The following RADIL variants were observed in gnomAD, a reference collection of about 807,000 sequenced individuals.
RADIL encodes Rap associating with DIL domain.
A neutral mutation model predicts 97.6 loss-of-function variants in RADIL; 99 were observed. That is an observed-to-expected ratio of 1.01 (90% CI 0.86 to 1.20). RADIL has a LOEUF of 1.20. RADIL is among the 50% of genes most tolerant of loss of function. The pLI, the probability that RADIL is intolerant of heterozygous loss-of-function variation, is 0.00. For synonymous variants in RADIL, 803 were observed against 691.8 expected (o/e 1.16, Z -2.52); for missense variants, 1,765 against 1,498.9 (o/e 1.18, Z -2.93).
chr7:4,806,155 T>C (rs1209026302), intron 9 of RADIL: 1 of 791,990 alleles, frequency 1.3e-6, no homozygotes, highest in Admixed American at 6.2e-5. Flanking sequence ...ATTTGTTTGT[T>C]TGCTTGTTTT....
At chr7:4,802,371 G>C (rs1372422629) in intron 11 of RADIL, among the ~76,000 whole-genome samples, 1 of 130,966 alleles carries the variant, frequency 7.6e-6, no homozygotes, top group African/African-American at 3.1e-5. Flanking sequence ...TGGCTGGGGG[G>C]CCCCCTCCCC....
chr7:4,805,304 G>A (rs1782264729), intron 10 of RADIL: 2 of 424,682 alleles, frequency 4.7e-6, no homozygotes, highest in Admixed American at 3.8e-5. Context: ...GAACGAGGGG[G>A]CCTTGGACCT....
At chr7:4,805,415 G>C in intron 10 of RADIL, 151 bp downstream of exon 10, 1 of 940,902 alleles carries the variant, frequency 1.1e-6, no homozygotes, top group South Asian at 3.2e-5. Flanking sequence ...GGGGCGGGGG[G>C]GTCCTCTGGG....
chr7:4,855,548 G>A (rs1054131772), intron 2 of RADIL, among the ~76,000 whole-genome samples: 1 of 149,386 alleles, frequency 6.7e-6, no homozygotes, highest in African/African-American at 2.5e-5. Flanking sequence ...TGTTCTCACT[G>A]GCACCGCGTT....
intron 5 of RADIL, among the ~76,000 whole-genome samples, chr7:4,826,595 T>G (rs1482543720): frequency 6.6e-6 from 1 of 151,628 alleles, no homozygotes. Context: ...TAGCCGGGCG[T>G]GGTGGCGCGT....
intron 5 of RADIL, among the ~76,000 whole-genome samples, chr7:4,823,826 T>C (rs1188777745): frequency 6.6e-6 from 1 of 152,234 alleles, no homozygotes; most frequent in Admixed American, 6.5e-5. Flanking sequence ...GTGGCAAGGC[T>C]GTGCTGAGGT....
chr7:4,816,895 G>T (rs981642985), intron 7 of RADIL, among the ~76,000 whole-genome samples: 1 of 152,170 alleles, frequency 6.6e-6, no homozygotes, highest in African/African-American at 2.4e-5. Context: ...GGCACCCGTG[G>T]GTCCAGGGTG....
chr7:4,818,096 G>A lies in RADIL; in HGVS notation c.1616-745C>T, dbSNP rs1296447530. Among the ~76,000 whole-genome samples the A allele has an allele frequency of 2.0e-5, 3 of 152,226 alleles. No individual in the cohort carries two copies. The South Asian group carries it at 6.2e-4, about 31-fold the overall frequency. ...CTGGGACTGTGGGCGGCCAACCACA[G>A]TGGTGTTCCCTGTCAGCCGCGTGGG... On this transcript the variant is annotated intron_variant, in intron 6 of 14. Coordinates refer to ENST00000399583, the MANE Select transcript of RADIL (RefSeq NM_018059.5). The surrounding 1 kb of genome is among the most constrained non-coding windows in gnomAD (Gnocchi z 7.1).
intron 2 of RADIL, among the ~76,000 whole-genome samples, chr7:4,863,334 ATAAC>A (rs1784064394): frequency 6.6e-6 from 1 of 152,284 alleles, no homozygotes; most frequent in Non-Finnish European, 1.5e-5. Context: ...TTAGTACTCT[ATAAC>A]TAATTATTCT....
intron 2 of RADIL, among the ~76,000 whole-genome samples, chr7:4,841,672 G>C (rs1009240688): frequency 7.2e-5 from 11 of 152,158 alleles, no homozygotes; most frequent in African/African-American, 2.7e-4. Context: ...GGGCAGCCCT[G>C]CTTCACCCCA....
chr7:4,831,955 C>T (rs79433717), intron 5 of RADIL, among the ~76,000 whole-genome samples, 186 bp downstream of exon 5: 7,486 of 152,134 alleles, frequency 0.049, 630 homozygotes, highest in African/African-American at 0.17. Context: ...AAGCAATTTC[C>T]CAAAACTCAG....
rs1224744703 is a variant in RADIL at position 4,834,700 on chromosome 7, G to A, written c.1323C>T (p.Cys441=). 1 of 1,407,620 alleles carries A rather than the reference G, an allele frequency of 7.1e-7. No homozygotes were observed. Among genetic ancestry groups the A allele is most frequent in the African/African-American group, 1.5e-5 (1 of 67,752 alleles). The allele number at this position is 1,407,620 out of a possible 1,614,324, so 87.2% of individuals were successfully genotyped here. The change falls in exon 4 of 15, where the codon TGC becomes TGT. Residue 441 remains cysteine (C), a synonymous_variant. Coordinates refer to ENST00000399583, the MANE Select transcript of RADIL (RefSeq NM_018059.5). This position sits in a 1 kb window ranked among gnomAD's most constrained non-coding sequence, Gnocchi z 6.0. Reference sequence around the variant, plus strand: ...GGGTGGCCGAGTGCTGGATGCAGAGGCACAGGAGGAAGGCGGGGGTCAGCT... The same window carrying A: ...GGGTGGCCGAGTGCTGGATGCAGAGACACAGGAGGAAGGCGGGGGTCAGCT... The part of the protein sequence containing the change: ...DHKLTPAFLL[C]LCIQHSATHF...
intron 2 of RADIL, among the ~76,000 whole-genome samples, chr7:4,846,153 C>T (rs1446892319): frequency 1.4e-5 from 2 of 146,096 alleles, no homozygotes; most frequent in African/African-American, 2.5e-5. Flanking sequence ...TTTAAAGAGA[C>T]GGAGTCTCGC....
At chr7:4,871,557 T>G (rs1040856564) in intron 2 of RADIL, among the ~76,000 whole-genome samples, 5 of 152,174 alleles carry the variant, frequency 3.3e-5, no homozygotes, top group African/African-American at 1.2e-4. Context: ...GCCAGCTCCA[T>G]CGCAGCACTG....
At chr7:4,868,984 G>A (rs964960679) in intron 2 of RADIL, among the ~76,000 whole-genome samples, 3 of 152,128 alleles carry the variant, frequency 2.0e-5, no homozygotes, top group Non-Finnish European at 2.9e-5. Context: ...AAAATTAGCC[G>A]GGCCTCATGG....
rs1783854681 is a variant in RADIL, at chr7:4,857,215, G to A, written c.535+20390C>T. 5.9e-5 allele frequency among the ~76,000 whole-genome samples: 9 copies of A among 152,170 alleles called. No homozygotes were observed. In the South Asian group the frequency reaches 1.9e-3, roughly 31 times the overall value. On this transcript the variant is annotated intron_variant, in intron 2 of 14. Transcript: ENST00000399583. ...ATGCTGTAGGACTTCTATCATTAAT[G>A]CATGGTGCTCTTGCCCTTAATAATT...
intron 2 of RADIL, chr7:4,859,988 T>C (rs1783937032): frequency 6.2e-7 from 1 of 1,614,002 alleles, no homozygotes; most frequent in Non-Finnish European, 8.5e-7. Flanking sequence ...GACCATGGCC[T>C]TTGGTGATGG....
Position 4,854,574 on chromosome 7 carries a change from A to T in RADIL, c.536-17969T>A, listed in dbSNP as rs1333815291. 1.3e-5 allele frequency among the ~76,000 whole-genome samples: 2 copies of T among 152,108 alleles called. No individual in the cohort carries two copies. The highest frequency in any genetic ancestry group is 2.4e-5 in the African/African-American group (1 of 41,414). On this transcript the variant is annotated intron_variant, in intron 2 of 14. Coordinates refer to ENST00000399583, the MANE Select transcript of RADIL (RefSeq NM_018059.5). This position sits in a 1 kb window ranked among gnomAD's most constrained non-coding sequence, Gnocchi z 5.1. ...CTGGGTATGTTGGCGGGCGCCTGTAATCCCAGCTACTCGGAAGACTGAGAC... is the reference window on the plus strand; with the variant it reads ...CTGGGTATGTTGGCGGGCGCCTGTATTCCCAGCTACTCGGAAGACTGAGAC...
In RADIL at chr7:4,814,079, C is replaced by T. The variant is rs1370280044; in HGVS notation, c.2139+1199G>A. ...ACAGGCATGAGCCACCGTGCCTGGC[C>T]GAGTCAGCTTTCTTCAATCTGCTAA... On this transcript the variant is annotated intron_variant, in intron 9 of 14. Coordinates refer to ENST00000399583, the MANE Select transcript of RADIL (RefSeq NM_018059.5). The surrounding 1 kb of genome is among the most constrained non-coding windows in gnomAD (Gnocchi z 4.5). 1.3e-5 allele frequency among the ~76,000 whole-genome samples: 2 copies of T among 152,140 alleles called. No individual in the cohort carries two copies. The highest frequency in any genetic ancestry group is 2.9e-5 in the Non-Finnish European group (2 of 68,036).
Sources: allele counts gnomAD v4.1 joint callset (sites outside exome capture counted in the v4.1 genomes callset), GRCh38; gene constraint gnomAD v4.1.1; non-coding constraint Gnocchi (gnomAD v3.1); transcripts MANE v1.5; gene names NCBI Gene and HGNC (gene_info 2026-07-23, HGNC 2026-07-21).